REG1A: variants seen among roughly 807,000 people sequenced by gnomAD.
The protein encoded by REG1A is regenerating family member 1 alpha, also known as lithostathine-1-alpha.
A neutral mutation model predicts 20.7 loss-of-function variants in REG1A; 20 were observed. The ratio of observed to expected loss-of-function variants is 0.97; its 90% CI spans 0.68 to 1.41. REG1A has a LOEUF of 1.41. REG1A is among the 40% of genes most tolerant of loss of function. The pLI is 0.00. For missense variants in REG1A, 193 were observed against 201.8 expected, an observed-to-expected ratio of 0.96 and a Z score of 0.26; for synonymous variants, 90 against 71.6, an observed-to-expected ratio of 1.26 and a Z score of -1.30.
rs1558547067 is a variant in REG1A, at chr2:79,122,899, G to A, written c.380G>A (p.Gly127Glu). 6.2e-7 allele frequency: 1 copy of A among 1,614,026 alleles called. No individual in the cohort carries two copies. Among genetic ancestry groups the A allele is most frequent in the Non-Finnish European group, 8.5e-7 (1 of 1,179,996 alleles). Residue 127 changes from glycine to glutamate, a missense_variant, in exon 5 of 6, where the codon GGA (glycine) becomes GAA (glutamate). Transcript: ENST00000233735. ...SLVSYKSWGIGAPSSVNPGYC... is the reference protein window; with the variant it reads ...SLVSYKSWGIEAPSSVNPGYC... ...GTCTCCTACAAGTCCTGGGGCATTG[G>A]AGCCCCAAGCAGTGTTAATCCTGGC...
At chr2:79,121,840 A>G in intron 3 of REG1A, 148 bp from the exon 4 acceptor site, 1 of 1,361,786 alleles carries the variant, frequency 7.3e-7, no homozygotes, top group Non-Finnish European at 1.0e-6. Context: ...TATTCAGCAC[A>G]TTCCCAGCAC....
intron 5 of REG1A, 72 bp from the exon 6 acceptor site, chr2:79,123,076 C>A: frequency 6.8e-7 from 1 of 1,463,710 alleles, no homozygotes; most frequent in Non-Finnish European, 9.5e-7. Flanking sequence ...TGGTTTTTGT[C>A]CTGAGTCCTA....
chr2:79,121,031 T>C (rs1426284550), intron 2 of REG1A, 106 bp downstream of exon 2: 6 of 876,004 alleles, frequency 6.8e-6, no homozygotes, highest in Non-Finnish European at 1.1e-5. Flanking sequence ...AGAGTCACTG[T>C]TAAGGGTTGT....
At chr2:79,122,199 T>C (rs766721924) in intron 4 of REG1A, 74 bp downstream of exon 4, 39 of 1,497,036 alleles carry the variant, frequency 2.6e-5, no homozygotes, top group Admixed American at 3.9e-5. Flanking sequence ...TCTGGTCTCT[T>C]AAGTACCAGC....
chr2:79,123,104 C>A, intron 5 of REG1A, 44 bp from the exon 6 acceptor site: 2 of 1,537,066 alleles, frequency 1.3e-6, no homozygotes, highest in Non-Finnish European at 1.8e-6. Flanking sequence ...GAGGGTCATA[C>A]TCTTTCGGGT....
In REG1A at chr2:79,120,920, G is replaced by A. The variant is rs1672873452; in HGVS notation, c.59G>A (p.Ser20Asn). ...TCCTGCCTGATGTTTCTGTCTCAGA[G>A]CCAAGGTAAGATCTCTTTTCCACCA... is the stretch of plus-strand genomic sequence containing the variant. ...LISCLMFLSQ[S>N]QGQEAQTELP... Residue 20 changes from serine (S) to asparagine (N), a missense_variant, in exon 2 of 6, where the codon AGC becomes AAC. Transcript: ENST00000233735. 2 of 1,612,162 alleles carry A rather than the reference G, an allele frequency of 1.2e-6. No individual in the cohort carries two copies. Among genetic ancestry groups the A allele is most frequent in the East Asian group, 4.5e-5 (2 of 44,798 alleles).
rs772753465 is a variant in REG1A at position 79,123,377 on chromosome 2, C to G, written c.*162C>G. The stretch of plus-strand genomic sequence containing the variant: ...GTTTTACCTACCCCAGTCTTTGGAA[C>G]CCTAAATAATAAAAATAAACATGTT... On this transcript the variant is annotated 3_prime_UTR_variant, in exon 6 of 6. Transcript: ENST00000233735. 2 of 547,866 alleles carry G rather than the reference C, an allele frequency of 3.7e-6. No homozygotes were observed. The highest frequency in any genetic ancestry group is 6.6e-6 in the Non-Finnish European group (2 of 305,198). The allele number at this position is 547,866 out of a possible 1,614,324, so 33.9% of individuals were successfully genotyped here.
rs1186117833 is a variant in REG1A at position 79,120,799 on chromosome 2, T to C, written c.-46-17T>C. The C allele has an allele frequency of 4.2e-5, 55 of 1,318,986 alleles. No individual in the cohort carries two copies. The highest frequency in any genetic ancestry group is 8.1e-5 in the Admixed American group (4 of 49,358). 81.7% of individuals were successfully genotyped at this position (1,318,986 alleles called of 1,614,324 possible). A position where few individuals can be genotyped will look rare whatever the true frequency, so the allele number is the denominator to read the frequency against. The stretch of plus-strand genomic sequence containing the variant: ...CTCTCCATCTCTCAGAACCCCCTTC[T>C]CTGTGTTCTCCTATAGAGATTGTTG... On this transcript the variant is annotated splice_polypyrimidine_tract_variant and intron_variant, in intron 1 of 5. Transcript: ENST00000233735.
chr2:79,121,993 T>G lies in REG1A; in HGVS notation c.189T>G (p.Tyr63Ter). The change falls in exon 4 of 6, where the codon TAT (tyrosine) becomes TAG (stop). Residue 63 changes from tyrosine to a stop codon, truncating the protein, a stop_gained. Coordinates refer to ENST00000233735, the MANE Select transcript of REG1A (RefSeq NM_002909.5). LOFTEE classifies it high-confidence loss of function. ...TCCATTTTCTTCTGCAACAGCTCTA[T>G]TGCCAGAACATGAATTCGGGCAACC... ...DRETWVDADL[Y>*]CQNMNSGNLV... 6.2e-7 allele frequency: 1 copy of G among 1,613,900 alleles called. No individual in the cohort carries two copies. The highest frequency in any genetic ancestry group is 8.5e-7 in the Non-Finnish European group (1 of 1,179,924).
intron 4 of REG1A, among the ~76,000 whole-genome samples, chr2:79,122,566 C>T (rs915694872): frequency 9.2e-5 from 14 of 151,880 alleles, no homozygotes; most frequent in Non-Finnish European, 2.1e-4. Flanking sequence ...TATGAGGGTC[C>T]TGGGCCACAA....
At chr2:79,123,029 G>C in intron 5 of REG1A, 77 bp downstream of exon 5, 3 of 1,460,612 alleles carry the variant, frequency 2.1e-6, no homozygotes, top group South Asian at 2.3e-5. Context: ...GACTGGGATA[G>C]AGGAAAGGTG....
At chr2:79,121,839 C>T (rs976287046) in intron 3 of REG1A, 149 bp from the exon 4 acceptor site, 124 of 1,351,116 alleles carry the variant, frequency 9.2e-5, no homozygotes, top group Middle Eastern at 1.8e-4. Context: ...TTATTCAGCA[C>T]ATTCCCAGCA....
chr2:79,120,583 C>T, intron 1 of REG1A, 69 bp downstream of exon 1: 2 of 347,906 alleles, frequency 5.7e-6, no homozygotes, highest in Non-Finnish European at 1.0e-5. Flanking sequence ...CGGGAAGATA[C>T]AGCATGAGTT....
Position 79,122,089 on chromosome 2 carries a change from C to A in REG1A, c.285C>A (p.Asp95Glu). ...ASLIKESGTD[D>E]FNVWIGLHDP... ...TGATTAAGGAGAGTGGCACTGATGA[C>A]TTCAATGTCTGGATTGGCCTCCATG... is the stretch of plus-strand genomic sequence containing the variant. Residue 95 changes from aspartate (D) to glutamate (E), a missense_variant, in exon 4 of 6, where the codon GAC (aspartate) becomes GAA (glutamate). Transcript: ENST00000233735. 6.2e-7 allele frequency: 1 copy of A among 1,614,076 alleles called. No individual in the cohort carries two copies. The highest frequency in any genetic ancestry group is 8.5e-7 in the Non-Finnish European group (1 of 1,179,984).
chr2:79,120,987 G>A, intron 2 of REG1A, 62 bp downstream of exon 2: 1 of 1,219,602 alleles, frequency 8.2e-7, no homozygotes, highest in Middle Eastern at 1.9e-4. Flanking sequence ...CTATCCCCAA[G>A]CATACGGGTC....
chr2:79,123,101 A>T (rs183594809), intron 5 of REG1A, 47 bp from the exon 6 acceptor site: 1 of 1,530,044 alleles, frequency 6.5e-7, no homozygotes, highest in African/African-American at 1.4e-5. Context: ...CAGGAGGGTC[A>T]TACTCTTTCG....
At chr2:79,121,956 T>C (rs1447890104) in intron 3 of REG1A, 32 bp from the exon 4 acceptor site, 2 of 1,610,882 alleles carry the variant, frequency 1.2e-6, no homozygotes, top group African/African-American at 1.3e-5. Flanking sequence ...AACTTCCTCC[T>C]CCACTGAGTG....
chr2:79,121,854 G>A, intron 3 of REG1A, 134 bp from the exon 4 acceptor site: 2 of 1,401,984 alleles, frequency 1.4e-6, no homozygotes, highest in Admixed American at 3.4e-5. Context: ...CCAGCACAAA[G>A]AACCTGGTGG....
At chr2:79,123,090 C>T in intron 5 of REG1A, 58 bp from the exon 6 acceptor site, 1 of 1,492,424 alleles carries the variant, frequency 6.7e-7, no homozygotes, top group African/African-American at 1.4e-5. Context: ...AGTCCTAAAG[C>T]CAGGAGGGTC....
Sources: gnomAD v4.1 joint callset for allele counts (sites outside exome capture counted in the v4.1 genomes callset) on GRCh38, gnomAD v4.1.1 for gene constraint, MANE v1.5 for transcripts, NCBI Gene and HGNC (gene_info 2026-07-23, HGNC 2026-07-21) for gene names.